ARMC9: variants seen among roughly 807,000 people sequenced by gnomAD.
ARMC9 encodes armadillo repeat containing 9.
ARMC9 carries 94 observed loss-of-function variants against 107.0 expected under a neutral mutation model. The observed-to-expected ratio is 0.88, with a 90% confidence interval of 0.74 to 1.04. ARMC9 has a LOEUF of 1.04. Ranked by LOEUF, ARMC9 falls within the 50% of genes least tolerant of loss-of-function variation. The probability of loss-of-function intolerance (pLI) is 0.00; values close to 1 mark genes in which losing one functional copy is unlikely to be tolerated. For synonymous variants in ARMC9, 380 were observed against 396.9 expected (o/e 0.96, Z 0.51); for missense variants, 942 against 1,030.1 (o/e 0.91, Z 1.17).
chr2:231,358,549 C>G lies in ARMC9; in HGVS notation c.2132-2205C>G, dbSNP rs1165438723. ...AGGCCCATCCTGGCCCCAGGCAGCG[C>G]TCCCCACAGGTCTCCTTGCACACAG... On this transcript the variant is annotated intron_variant, in intron 22 of 24. Coordinates refer to ENST00000611582, the MANE Select transcript of ARMC9 (RefSeq NM_001352754.2). This position sits in a 1 kb window ranked among gnomAD's most constrained non-coding sequence, Gnocchi z 4.5. Among the ~76,000 whole-genome samples, 1 of 152,210 alleles carries G rather than the reference C, an allele frequency of 6.6e-6. No homozygotes were observed. The highest frequency in any genetic ancestry group is 1.5e-5 in the Non-Finnish European group (1 of 68,036).
At chr2:231,264,698 T>C (rs2038693406) in intron 12 of ARMC9, among the ~76,000 whole-genome samples, 1 of 151,580 alleles carries the variant, frequency 6.6e-6, no homozygotes, top group Non-Finnish European at 1.5e-5. Context: ...GATTTCTCCA[T>C]GTTGGTCAGG....
In ARMC9 at chr2:231,331,823, G is replaced by T. The variant is rs774817705; in HGVS notation, c.1804G>T (p.Asp602Tyr). 2 of 1,614,018 alleles carry T rather than the reference G, an allele frequency of 1.2e-6. No homozygotes were observed. Among genetic ancestry groups the T allele is most frequent in the East Asian group, 2.2e-5 (1 of 44,874 alleles). ...CCATGACATCATGGAAGCCGATCTG[G>T]ACAAAGACGAACTGATCCAGCCCCA... Reference protein sequence around the residue: ...EDHDIMEADLDKDELIQPQLG... With the variant: ...EDHDIMEADLYKDELIQPQLG... The change falls in exon 20 of 25, where the codon GAC becomes TAC. Residue 602 changes from aspartate (D) to tyrosine (Y), a missense_variant. Physicochemically the swap from Asp to Tyr is radical, Grantham distance 160. Transcript: ENST00000611582.
chr2:231,322,619 A>G (rs1486970486), intron 19 of ARMC9, among the ~76,000 whole-genome samples: 1 of 152,184 alleles, frequency 6.6e-6, no homozygotes, highest in Non-Finnish European at 1.5e-5. Flanking sequence ...CCAGTTAAGC[A>G]TCTTGTAATG....
At chr2:231,340,313 G>C (rs373670599) in intron 20 of ARMC9, among the ~76,000 whole-genome samples, 3 of 152,044 alleles carry the variant, frequency 2.0e-5, no homozygotes, top group African/African-American at 7.2e-5. Flanking sequence ...AGTTTTTATC[G>C]CTTGTTTTCA....
chr2:231,218,660 C>A (rs1217136991), intron 5 of ARMC9, among the ~76,000 whole-genome samples: 1 of 152,024 alleles, frequency 6.6e-6, no homozygotes, highest in Non-Finnish European at 1.5e-5. Context: ...CATGGAGATT[C>A]ATTTTATTCC....
intron 19 of ARMC9, among the ~76,000 whole-genome samples, chr2:231,322,094 A>G (rs1372683798): frequency 1.3e-5 from 2 of 152,240 alleles, no homozygotes; most frequent in East Asian, 3.8e-4. Flanking sequence ...TGGTTGTGAA[A>G]CCAACTGTCA....
intron 9 of ARMC9, among the ~76,000 whole-genome samples, chr2:231,242,804 G>A (rs909655505): frequency 3.3e-5 from 5 of 152,142 alleles, no homozygotes; most frequent in Admixed American, 1.3e-4. Flanking sequence ...GAGGAGTGAT[G>A]TATCCAGTTT....
At chr2:231,216,377 G>A (rs990510935) in intron 4 of ARMC9, among the ~76,000 whole-genome samples, 8 of 152,156 alleles carry the variant, frequency 5.3e-5, no homozygotes, top group Admixed American at 4.6e-4. Flanking sequence ...GAATTTTAAG[G>A]ACATGAGAAA....
intron 12 of ARMC9, among the ~76,000 whole-genome samples, chr2:231,265,453 G>A (rs1005758136): frequency 6.6e-5 from 10 of 152,308 alleles, no homozygotes; most frequent in African/African-American, 2.4e-4. Flanking sequence ...CTGCAATTTG[G>A]ATGGAGCTGG....
At chr2:231,303,999 A>G (rs1197516943) in intron 19 of ARMC9, among the ~76,000 whole-genome samples, 1 of 152,084 alleles carries the variant, frequency 6.6e-6, no homozygotes, top group East Asian at 1.9e-4. Flanking sequence ...TGGGAGGCCA[A>G]GGTGGATGGA....
Position 231,271,810 on chromosome 2 carries a change from C to T in ARMC9, c.1210+738C>T, listed in dbSNP as rs1373619460. ...TCCATATCCATTCAGAAGTCCACAA[C>T]AGGCTAGGGACCATTCTGGGCTTAT... is the stretch of plus-strand genomic sequence containing the variant. On this transcript the variant is annotated intron_variant, in intron 13 of 24. Transcript: ENST00000611582. 2.6e-5 allele frequency among the ~76,000 whole-genome samples: 4 copies of T among 152,102 alleles called. No individual in the cohort carries two copies. The South Asian group carries it at 6.2e-4, about 24-fold the overall frequency.
At chr2:231,241,556 T>C (rs1450103427) in intron 9 of ARMC9, among the ~76,000 whole-genome samples, 1 of 152,172 alleles carries the variant, frequency 6.6e-6, no homozygotes, top group Non-Finnish European at 1.5e-5. Context: ...AGCCACAGCT[T>C]TTAAGTGAGG....
chr2:231,316,033 C>T (rs1477800727), intron 19 of ARMC9, among the ~76,000 whole-genome samples: 1 of 152,146 alleles, frequency 6.6e-6, no homozygotes, highest in Non-Finnish European at 1.5e-5. Context: ...AAGAACTTTG[C>T]ATCAGTAGGC....
intron 7 of ARMC9, among the ~76,000 whole-genome samples, chr2:231,234,906 G>C (rs2035571409): frequency 6.6e-6 from 1 of 152,198 alleles, no homozygotes; most frequent in Admixed American, 6.5e-5. Flanking sequence ...ACCAGCCCTA[G>C]ACATGTTTAT....
intron 2 of ARMC9, among the ~76,000 whole-genome samples, chr2:231,206,873 T>C (rs1223442028): frequency 6.6e-6 from 1 of 152,244 alleles, no homozygotes; most frequent in Non-Finnish European, 1.5e-5. Flanking sequence ...TTGCTGCTGC[T>C]TAACTGTGTG....
Position 231,262,386 on chromosome 2 carries a change from T to A in ARMC9, c.1107T>A (p.Tyr369Ter). The part of the protein sequence containing the change: ...AYISNDLLDC[Y>*]SHNQRSVLQL... ...TCAGCAATGACCTCTTGGACTGTTA[T>A]AGCCACAACCAGGTTGGTAAGAGGT... Residue 369 changes from tyrosine (Y) to a stop codon, truncating the protein, a stop_gained, in exon 12 of 25, where the codon TAT (tyrosine) becomes TAA (stop). Transcript: ENST00000611582. LOFTEE classifies it high-confidence loss of function. 1.2e-6 allele frequency: 2 copies of A among 1,614,166 alleles called. No homozygotes were observed. The highest frequency in any genetic ancestry group is 1.1e-5 in the South Asian group (1 of 91,088).
intron 17 of ARMC9, among the ~76,000 whole-genome samples, chr2:231,290,005 A>T (rs867424289): frequency 1.2e-4 from 19 of 152,218 alleles, no homozygotes; most frequent in African/African-American, 3.9e-4. Flanking sequence ...ATTGGACTAG[A>T]GGCTATTTCT....
intron 16 of ARMC9, among the ~76,000 whole-genome samples, chr2:231,281,645 C>T (rs1215714474): frequency 6.6e-6 from 1 of 152,098 alleles, no homozygotes; most frequent in Non-Finnish European, 1.5e-5. Flanking sequence ...ACGATGATGT[C>T]TGAACAAGGA....
intron 21 of ARMC9, among the ~76,000 whole-genome samples, chr2:231,345,767 C>A (rs2044785763): frequency 6.6e-6 from 1 of 152,186 alleles, no homozygotes; most frequent in African/African-American, 2.4e-5. Flanking sequence ...AGGCTAAAAA[C>A]CTCCATATAT....
Sources: allele counts gnomAD v4.1 joint callset (sites outside exome capture counted in the v4.1 genomes callset), GRCh38; gene constraint gnomAD v4.1.1; non-coding constraint Gnocchi (gnomAD v3.1); transcripts MANE v1.5; gene names NCBI Gene and HGNC (gene_info 2026-07-23, HGNC 2026-07-21).